The following CACNA1C variants were observed in gnomAD, a reference collection of about 807,000 sequenced individuals.
The protein encoded by CACNA1C is voltage-dependent L-type calcium channel subunit alpha-1C.
In CACNA1C, 30 loss-of-function variants were observed where a neutral mutation model predicts 229.0. The observed-to-expected ratio is 0.13, with a 90% CI of 0.10 to 0.18. The LOEUF is 0.18. Among genes scored for constraint, CACNA1C ranks in the 10% least tolerant of loss-of-function variants. CACNA1C has a pLI of 1.00. For synonymous variants in CACNA1C, 1,114 were observed against 1,132.5 expected (o/e 0.98, Z 0.33); for missense variants, 1,658 against 2,845.0 (o/e 0.58, Z 9.49).
intron 9 of CACNA1C, among the ~76,000 whole-genome samples, chr12:2,535,720 A>AACAAAAC (rs1295732480): frequency 1.1e-4 from 17 of 150,050 alleles, no homozygotes; most frequent in African/African-American, 4.2e-4. Context: ...AAAAAAAAAA[A>AACAAAAC]AAAAAAAAAA....
intron 1 of CACNA1C, among the ~76,000 whole-genome samples, chr12:2,073,425 C>A (rs898489438): frequency 6.6e-6 from 1 of 152,114 alleles, no homozygotes; most frequent in Non-Finnish European, 1.5e-5. Context: ...GAAACATGAC[C>A]ACAGAGAAAG....
At chr12:2,106,648 G>A (rs2078834697) in intron 1 of CACNA1C, among the ~76,000 whole-genome samples, 3 of 68,774 alleles carry the variant, frequency 4.4e-5, no homozygotes, top group South Asian at 1.2e-3. Context: ...CGCCCACCCC[G>A]GGGAGGGTTT....
At chr12:2,096,337 G>A (rs2073955239) in intron 1 of CACNA1C, among the ~76,000 whole-genome samples, 1 of 152,188 alleles carries the variant, frequency 6.6e-6, no homozygotes, top group Non-Finnish European at 1.5e-5. Flanking sequence ...TATGTCATGT[G>A]CTGAGGGCTT....
chr12:2,257,026 A>T (rs1313365947), intron 3 of CACNA1C, among the ~76,000 whole-genome samples: 1 of 152,158 alleles, frequency 6.6e-6, no homozygotes, highest in Non-Finnish European at 1.5e-5. Context: ...CCCAATCAGG[A>T]CGGGGGTGGC....
chr12:2,303,085 C>T (rs1023154911), intron 3 of CACNA1C, among the ~76,000 whole-genome samples: 6 of 152,222 alleles, frequency 3.9e-5, no homozygotes, highest in African/African-American at 7.2e-5. Context: ...CTTCCCTGGT[C>T]GGGACCATGT....
At chr12:2,196,962 A>G (rs2238049) in intron 3 of CACNA1C, among the ~76,000 whole-genome samples, 68,099 of 152,024 alleles carry the variant, frequency 0.45, 16,132 homozygotes, top group African/African-American at 0.6. Flanking sequence ...GGCTTCTCAG[A>G]TTTTGAGGAG....
intron 3 of CACNA1C, among the ~76,000 whole-genome samples, chr12:2,195,111 A>G (rs1320079713): frequency 6.6e-6 from 1 of 152,242 alleles, no homozygotes. Context: ...CACCGATAGC[A>G]GCAGTGATGA....
chr12:2,604,947 A>G (rs967161530), intron 22 of CACNA1C, 134 bp from the exon 23 acceptor site: 15 of 713,398 alleles, frequency 2.1e-5, no homozygotes, highest in Non-Finnish European at 3.5e-5. Flanking sequence ...CAGAATGCGA[A>G]CATCCCCAAG....
intron 38 of CACNA1C, among the ~76,000 whole-genome samples, chr12:2,672,919 G>A (rs546083604): frequency 6.6e-6 from 1 of 152,326 alleles, no homozygotes; most frequent in African/African-American, 2.4e-5. Flanking sequence ...CATCTGTGCA[G>A]CTGGAAGGCC....
intron 1 of CACNA1C, among the ~76,000 whole-genome samples, chr12:2,097,035 A>C (rs1317336987): frequency 6.6e-6 from 1 of 152,250 alleles, no homozygotes; most frequent in Admixed American, 6.5e-5. Context: ...GCTGCTATGG[A>C]CATGGGTGTA....
chr12:2,416,155 A>T (rs1450074912), intron 3 of CACNA1C, among the ~76,000 whole-genome samples: 1 of 152,120 alleles, frequency 6.6e-6, no homozygotes, highest in African/African-American at 2.4e-5. Context: ...TTGACAGCTC[A>T]TCGCTATTTT....
chr12:2,658,603 T>A (rs2095541133), intron 34 of CACNA1C, among the ~76,000 whole-genome samples: 1 of 145,438 alleles, frequency 6.9e-6, no homozygotes, highest in Non-Finnish European at 1.5e-5. Flanking sequence ...TTATCATTAT[T>A]TTGCAGTGTA....
intron 30 of CACNA1C, 88 bp from the exon 31 acceptor site, chr12:2,648,387 G>C (rs1459911907): frequency 5.7e-6 from 7 of 1,233,060 alleles, no homozygotes; most frequent in Non-Finnish European, 8.4e-6. Context: ...CTGCCACTGT[G>C]TTGCTCCCGT....
intron 3 of CACNA1C, among the ~76,000 whole-genome samples, chr12:2,145,235 A>T (rs994865489): frequency 5.4e-5 from 8 of 147,468 alleles, no homozygotes; most frequent in African/African-American, 2.0e-4. Flanking sequence ...TTATTTTTGT[A>T]AAAAAAATGG....
chr12:2,164,907 G>A (rs1037797273), intron 3 of CACNA1C, among the ~76,000 whole-genome samples: 3 of 152,200 alleles, frequency 2.0e-5, no homozygotes, highest in African/African-American at 4.8e-5. Flanking sequence ...GAAGTGGGGA[G>A]GGGAAAGAAG....
intron 1 of CACNA1C, among the ~76,000 whole-genome samples, chr12:2,056,645 G>T (rs1039881157): frequency 6.6e-6 from 1 of 152,090 alleles, no homozygotes; most frequent in African/African-American, 2.4e-5. Flanking sequence ...TTTACAAATG[G>T]TCAGAGAACA....
At chr12:2,640,566 T>C (rs1325547140) in intron 30 of CACNA1C, among the ~76,000 whole-genome samples, 1 of 152,166 alleles carries the variant, frequency 6.6e-6, no homozygotes, top group Non-Finnish European at 1.5e-5. Context: ...CTTTGCCCAG[T>C]TGGCATCTGC....
intron 29 of CACNA1C, among the ~76,000 whole-genome samples, chr12:2,626,026 A>C (rs1344912770): frequency 2.6e-5 from 4 of 152,234 alleles, no homozygotes; most frequent in Admixed American, 6.5e-5. Flanking sequence ...GCAGGTAGGG[A>C]AGCTGAGGCA....
chr12:2,415,787 C>A (rs951309657), intron 3 of CACNA1C, among the ~76,000 whole-genome samples: 9 of 152,142 alleles, frequency 5.9e-5, no homozygotes, highest in Non-Finnish European at 5.9e-5. Flanking sequence ...CCTCGTCCCC[C>A]AGCCCCTCTC....
Sources: allele counts gnomAD v4.1 joint callset (sites outside exome capture counted in the v4.1 genomes callset), GRCh38; gene constraint gnomAD v4.1.1; transcripts MANE v1.5; gene names NCBI Gene and HGNC (gene_info 2026-07-23, HGNC 2026-07-21).